The following NTRK3 variants were observed in gnomAD, a reference collection of about 807,000 sequenced individuals.
NTRK3 encodes the protein NT-3 growth factor receptor.
In NTRK3, 24 loss-of-function variants were observed where a neutral mutation model predicts 91.7. The ratio of observed to expected loss-of-function variants is 0.26; its 90% confidence interval spans 0.19 to 0.37. The LOEUF (loss-of-function observed/expected upper bound fraction) is 0.37. Ranked by LOEUF, NTRK3 falls within the 10% of genes least tolerant of loss-of-function variation. The pLI, the probability that NTRK3 is intolerant of heterozygous loss-of-function variation, is 1.00. For synonymous variants in NTRK3, 483 were observed against 404.0 expected, an observed-to-expected ratio of 1.20 and a Z score of -2.34; for missense variants, 880 against 1,068.9, an observed-to-expected ratio of 0.82 and a Z score of 2.46.
At chr15:87,908,387 C>A in intron 17 of NTRK3, 1 of 398,120 alleles carries the variant, frequency 2.5e-6, no homozygotes. Context: ...TGGAAGCAGG[C>A]CCCAGCCCAT....
At chr15:87,997,779 A>G (rs996138085) in intron 14 of NTRK3, among the ~76,000 whole-genome samples, 2 of 152,214 alleles carry the variant, frequency 1.3e-5, no homozygotes, top group African/African-American at 4.8e-5. Flanking sequence ...AGGCACTTAG[A>G]TAACACTTGT....
intron 14 of NTRK3, among the ~76,000 whole-genome samples, chr15:87,956,983 T>G (rs1361723737): frequency 6.6e-6 from 1 of 152,164 alleles, no homozygotes; most frequent in Non-Finnish European, 1.5e-5. Flanking sequence ...ATCTCTGCAC[T>G]GGGGGCGGAG....
In NTRK3 at chr15:88,201,537, C is replaced by G. The variant is rs150955195; in HGVS notation, c.249-17238G>C. On this transcript the variant is annotated intron_variant, in intron 3 of 18. Transcript: ENST00000394480. The stretch of plus-strand genomic sequence containing the variant: ...TCAAGGAACCTGTGTGACAACAAAC[C>G]CTCTCCTCCTGCACACCTCGTACAT... 6.4e-4 allele frequency among the ~76,000 whole-genome samples: 97 copies of G among 152,224 alleles called. 1 individual carries two copies. The highest frequency in any genetic ancestry group is 2.2e-3 in the African/African-American group (93 of 41,526).
intron 14 of NTRK3, among the ~76,000 whole-genome samples, chr15:88,029,237 G>C (rs1011707040): frequency 7.9e-5 from 12 of 152,198 alleles, no homozygotes; most frequent in Admixed American, 6.5e-4. Context: ...CCCTGGAAAG[G>C]CTAAATAAAT....
chr15:88,022,963 A>C (rs2077710345), intron 14 of NTRK3, among the ~76,000 whole-genome samples: 1 of 152,198 alleles, frequency 6.6e-6, no homozygotes, highest in African/African-American at 2.4e-5. Context: ...GATGAATGCT[A>C]ATCTGTCACT....
chr15:87,876,008 G>A, exon 19 of NTRK3: 1 of 232,752 alleles, frequency 4.3e-6, no homozygotes, highest in Non-Finnish European at 8.5e-6. Flanking sequence ...GAAAGTGGGA[G>A]GTGAGGCCAA....
At chr15:87,883,239 A>G (rs527931922) in intron 17 of NTRK3, among the ~76,000 whole-genome samples, 8 of 150,084 alleles carry the variant, frequency 5.3e-5, no homozygotes, top group African/African-American at 1.5e-4. Context: ...AAACTAAAGT[A>G]AGACTAAATA....
In NTRK3 at chr15:88,238,912, C is replaced by T. The variant is rs77063238; in HGVS notation, c.248+16994G>A. Among the ~76,000 whole-genome samples, 557 of 152,278 alleles carry T rather than the reference C, an allele frequency of 3.7e-3. 2 individuals carry two copies. Among genetic ancestry groups the T allele is most frequent in the East Asian group, 0.019 (97 of 5,190 alleles). Reference sequence around the variant, plus strand: ...GGCTGGAATCCTCACTGTTATTTACCGCTGTGGCCTTAGACAAGCTCTTGC... The same window carrying T: ...GGCTGGAATCCTCACTGTTATTTACTGCTGTGGCCTTAGACAAGCTCTTGC... On this transcript the variant is annotated intron_variant, in intron 3 of 18. Coordinates refer to ENST00000394480, the Ensembl canonical transcript of NTRK3.
intron 13 of NTRK3, among the ~76,000 whole-genome samples, chr15:88,104,494 G>A (rs1163293481): frequency 1.3e-5 from 2 of 152,150 alleles, no homozygotes; most frequent in African/African-American, 2.4e-5. Flanking sequence ...TACAGCTGCT[G>A]GCTTCTCACT....
intron 5 of NTRK3, among the ~76,000 whole-genome samples, chr15:88,149,705 G>A (rs2043200935): frequency 1.3e-5 from 2 of 152,198 alleles, no homozygotes; most frequent in South Asian, 4.1e-4. Context: ...CTGCTCAGAA[G>A]GGTGGAGCTG....
intron 14 of NTRK3, among the ~76,000 whole-genome samples, chr15:87,985,284 G>T (rs1364106079): frequency 6.6e-6 from 1 of 152,168 alleles, no homozygotes; most frequent in Non-Finnish European, 1.5e-5. Context: ...TCATCCACTG[G>T]CTGTGTCTTC....
intron 3 of NTRK3, among the ~76,000 whole-genome samples, chr15:88,221,975 C>T (rs558416368): frequency 2.0e-5 from 3 of 152,364 alleles, no homozygotes; most frequent in African/African-American, 7.2e-5. Flanking sequence ...GCACACCTTA[C>T]ATGCAACTGG....
At chr15:88,068,932 T>C (rs1485973187) in intron 13 of NTRK3, among the ~76,000 whole-genome samples, 2 of 151,494 alleles carry the variant, frequency 1.3e-5, no homozygotes, top group African/African-American at 2.4e-5. Context: ...AAAAGGAAAG[T>C]AGAGCAGGAA....
chr15:88,222,624 C>T (rs1367161499), intron 3 of NTRK3, among the ~76,000 whole-genome samples: 2 of 152,170 alleles, frequency 1.3e-5, no homozygotes, highest in African/African-American at 4.8e-5. Flanking sequence ...GCACATAGAG[C>T]TCAAAGACTT....
At chr15:87,900,504 T>C (rs992322032) in intron 17 of NTRK3, among the ~76,000 whole-genome samples, 4 of 152,264 alleles carry the variant, frequency 2.6e-5, no homozygotes, top group African/African-American at 9.6e-5. Flanking sequence ...TGTTTTCTTT[T>C]GGTCTCAATG....
chr15:88,121,093 G>A (rs60162821), intron 13 of NTRK3, among the ~76,000 whole-genome samples: 40,215 of 151,376 alleles, frequency 0.27, 5,702 homozygotes, highest in African/African-American at 0.34. Flanking sequence ...AATAATGTAT[G>A]TATTTTTTTT....
rs183332544 is a variant in NTRK3, at chr15:88,181,788, G to A, written c.395+1630C>T. Among the ~76,000 whole-genome samples the A allele has an allele frequency of 3.3e-3, 501 of 152,280 alleles. 1 individual carries two copies. The highest frequency in any genetic ancestry group is 9.7e-3 in the Admixed American group (148 of 15,298). On this transcript the variant is annotated intron_variant, in intron 5 of 18. Transcript: ENST00000394480. ...TGACCACACCAGGCCCCACCTCCAC[G>A]TGGCATCACTCAGCTGGAACTGATG...
chr15:88,047,747 G>T (rs187663424), intron 13 of NTRK3, among the ~76,000 whole-genome samples: 3 of 152,166 alleles, frequency 2.0e-5, no homozygotes, highest in Non-Finnish European at 4.4e-5. Flanking sequence ...ATCCTGATCT[G>T]CCCTGGACAG....
chr15:87,932,625 T>G (rs899829911), intron 16 of NTRK3, among the ~76,000 whole-genome samples: 17 of 152,112 alleles, frequency 1.1e-4, no homozygotes, highest in Admixed American at 2.6e-4. Flanking sequence ...AGCCTCACTT[T>G]GCAAGTGAGA....
Sources: gnomAD v4.1 joint callset for allele counts (sites outside exome capture counted in the v4.1 genomes callset) on GRCh38, gnomAD v4.1.1 for gene constraint, MANE v1.5 for transcripts, NCBI Gene and HGNC (gene_info 2026-07-23, HGNC 2026-07-21) for gene names.